Variants in EIPR1 observed in about 807,000 individuals in gnomAD.
EIPR1 encodes EARP and GARP complex-interacting protein 1.
Under a neutral mutation model 48.1 loss-of-function variants are expected in EIPR1, and 25 were observed. That is an observed-to-expected ratio of 0.52 (90% confidence interval 0.38 to 0.73). The LOEUF (loss-of-function observed/expected upper bound fraction) is 0.73. EIPR1 is among the 30% of genes least tolerant of loss of function. The pLI is 0.00. For missense variants in EIPR1, 415 were observed against 506.2 expected, an observed-to-expected ratio of 0.82 and a Z score of 1.73; for synonymous variants, 204 against 201.9, an observed-to-expected ratio of 1.01 and a Z score of -0.09.
chr2:3,278,676 G>C (rs564617720), intron 3 of EIPR1, among the ~76,000 whole-genome samples: 1 of 152,238 alleles, frequency 6.6e-6, no homozygotes, highest in East Asian at 1.9e-4. Context: ...CTCCAGCTGA[G>C]TCCGCTTCAG....
At chr2:3,196,854 G>A (rs530340309) in intron 6 of EIPR1, 27 bp downstream of exon 6, 41 of 1,610,654 alleles carry the variant, frequency 2.5e-5, no homozygotes, top group Admixed American at 2.2e-4. Flanking sequence ...AAAGGAAGTG[G>A]GGCCTGCGCC....
At chr2:3,289,248 G>C (rs768545073) in intron 3 of EIPR1, among the ~76,000 whole-genome samples, 2 of 152,098 alleles carry the variant, frequency 1.3e-5, no homozygotes, top group East Asian at 3.9e-4. Flanking sequence ...TCATTTCGCT[G>C]TCTCTCTCTT....
chr2:3,192,565 A>G lies in EIPR1; in HGVS notation c.838T>C (p.Tyr280His). The G allele has an allele frequency of 6.2e-7, 1 of 1,612,014 alleles. No individual in the cohort carries two copies. Among genetic ancestry groups the G allele is most frequent in the Non-Finnish European group, 8.5e-7 (1 of 1,179,558 alleles). ...EHSHWVWNVRYNHSHDQLVLT... is the reference protein window; with the variant it reads ...EHSHWVWNVRHNHSHDQLVLT... ...ACCAGCTGGTCATGAGAGTGGTTGT[A>G]GCGGACGTTCCACACCCTGCAAAGG... is the stretch of plus-strand genomic sequence containing the variant. The change falls in exon 8 of 9, where the codon TAC (tyrosine) becomes CAC (histidine). Residue 280 changes from tyrosine to histidine, a missense_variant. By Grantham distance (83) the Tyr-to-His change is moderately conservative. Coordinates refer to ENST00000382125, the MANE Select transcript of EIPR1 (RefSeq NM_003310.5).
chr2:3,253,217 A>T (rs1389788972), intron 4 of EIPR1, among the ~76,000 whole-genome samples: 2 of 152,150 alleles, frequency 1.3e-5, no homozygotes, highest in African/African-American at 4.8e-5. Flanking sequence ...TAACCAGAAA[A>T]TGTTTAAATT....
At chr2:3,265,724 A>T (rs1667466612) in intron 3 of EIPR1, among the ~76,000 whole-genome samples, 1 of 152,186 alleles carries the variant, frequency 6.6e-6, no homozygotes, top group Non-Finnish European at 1.5e-5. Context: ...GTCTGTGCCG[A>T]CAGAAGTCAG....
intron 4 of EIPR1, among the ~76,000 whole-genome samples, chr2:3,243,724 G>C (rs1026127843): frequency 3.3e-5 from 5 of 152,156 alleles, no homozygotes; most frequent in Non-Finnish European, 7.3e-5. Flanking sequence ...TCAGTGTGTA[G>C]GCAGAAAAAC....
chr2:3,237,225 C>CACAT (rs1666433662), intron 4 of EIPR1, among the ~76,000 whole-genome samples: 1 of 107,828 alleles, frequency 9.3e-6, no homozygotes, highest in South Asian at 2.8e-4. Context: ...GAAAACTACA[C>CACAT]ACACACACAC....
chr2:3,302,165 G>A (rs1044679209), intron 3 of EIPR1, among the ~76,000 whole-genome samples: 6 of 151,944 alleles, frequency 3.9e-5, no homozygotes, highest in Admixed American at 6.6e-5. Flanking sequence ...AAAACTTTCC[G>A]GCATACAGCA....
rs140091141 is a variant in EIPR1, at chr2:3,205,125, G to A, written c.517-8108C>T. Among the ~76,000 whole-genome samples the A allele has an allele frequency of 8.9e-4, 136 of 152,322 alleles. 1 individual carries two copies. The highest frequency in any genetic ancestry group is 2.7e-3 in the African/African-American group (114 of 41,576). On this transcript the variant is annotated intron_variant, in intron 5 of 8. Transcript: ENST00000382125. ...GACGTATGAAGCACCTGGTGCAGGCGTGTCCCAGGTTGTGCACCCTGGGCT... is the reference window on the plus strand; with the variant it reads ...GACGTATGAAGCACCTGGTGCAGGCATGTCCCAGGTTGTGCACCCTGGGCT...
chr2:3,303,394 C>T (rs942670965), intron 3 of EIPR1, among the ~76,000 whole-genome samples: 3 of 152,210 alleles, frequency 2.0e-5, no homozygotes, highest in African/African-American at 4.8e-5. Context: ...CACCCCACAG[C>T]TCTGCTGCTG....
intron 3 of EIPR1, chr2:3,320,322 G>A (rs1249004143): frequency 1.3e-5 from 2 of 156,008 alleles, no homozygotes; most frequent in East Asian, 2.1e-4. Context: ...GGACAACACC[G>A]CACCTGCAGA....
At chr2:3,281,552 G>T (rs968257250) in intron 3 of EIPR1, among the ~76,000 whole-genome samples, 1 of 152,210 alleles carries the variant, frequency 6.6e-6, no homozygotes, top group East Asian at 1.9e-4. Flanking sequence ...TTTAGTCAGC[G>T]GCTCCAAAAA....
chr2:3,279,164 G>GCAAC, intron 3 of EIPR1, among the ~76,000 whole-genome samples: 1 of 152,014 alleles, frequency 6.6e-6, no homozygotes, highest in East Asian at 1.9e-4. Flanking sequence ...TATACACCTC[G>GCAAC]CAACCGATCA....
At chr2:3,330,574 C>G (rs912555932) in intron 3 of EIPR1, among the ~76,000 whole-genome samples, 1 of 104,280 alleles carries the variant, frequency 9.6e-6, no homozygotes, top group Non-Finnish European at 2.3e-5. Flanking sequence ...CGCACACTCA[C>G]GAGACAGTGT....
At chr2:3,257,649 T>C (rs1233962755) in intron 3 of EIPR1, 194 bp from the exon 4 acceptor site, 4 of 498,108 alleles carry the variant, frequency 8.0e-6, no homozygotes, top group Non-Finnish European at 1.4e-5. Context: ...GCACGGTTCG[T>C]AATCAGCATC....
intron 1 of EIPR1, among the ~76,000 whole-genome samples, chr2:3,366,924 A>G (rs1670987253): frequency 1.3e-5 from 2 of 152,114 alleles, no homozygotes; most frequent in Non-Finnish European, 2.9e-5. Flanking sequence ...GTGGTGGCAC[A>G]CACCCAGCTA....
intron 2 of EIPR1, among the ~76,000 whole-genome samples, chr2:3,350,566 C>A (rs545481259): frequency 6.6e-6 from 1 of 152,080 alleles, no homozygotes; most frequent in Non-Finnish European, 1.5e-5. Flanking sequence ...ACTCAGGACA[C>A]GAATATCTGT....
chr2:3,242,522 T>C (rs556450497), intron 4 of EIPR1, among the ~76,000 whole-genome samples: 4 of 144,524 alleles, frequency 2.8e-5, no homozygotes, highest in African/African-American at 5.2e-5. Flanking sequence ...CCACACCCAC[T>C]GACGGCTGGA....
At chr2:3,305,159 C>A (rs112286293) in intron 3 of EIPR1, among the ~76,000 whole-genome samples, 56 of 132,464 alleles carry the variant, frequency 4.2e-4, no homozygotes, top group South Asian at 7.7e-4. Flanking sequence ...GCCCTCCACT[C>A]CCGTCCAGTT....
Sources: allele counts gnomAD v4.1 joint callset (sites outside exome capture counted in the v4.1 genomes callset), GRCh38; gene constraint gnomAD v4.1.1; transcripts MANE v1.5; gene names NCBI Gene and HGNC (gene_info 2026-07-23, HGNC 2026-07-21).